SHC3: variants seen among roughly 807,000 people sequenced by gnomAD.
SHC3 encodes the protein SHC-transforming protein 3.
Under a neutral mutation model 60.4 loss-of-function variants are expected in SHC3, and 15 were observed. The observed-to-expected ratio is 0.25, with a 90% CI of 0.17 to 0.38. SHC3 has a LOEUF of 0.38. Among genes scored for constraint, SHC3 ranks in the 10% least tolerant of loss-of-function variants. SHC3 has a pLI of 1.00. For missense variants in SHC3, 677 were observed against 786.1 expected, an observed-to-expected ratio of 0.86 and a Z score of 1.66; for synonymous variants, 294 against 325.9, an observed-to-expected ratio of 0.90 and a Z score of 1.05.
chr9:89,072,571 A>G (rs1225702373), intron 4 of SHC3, among the ~76,000 whole-genome samples: 1 of 152,242 alleles, frequency 6.6e-6, no homozygotes, highest in Non-Finnish European at 1.5e-5. Context: ...AATTTCCATT[A>G]GCTTTATAAA....
chr9:89,099,544 T>A (rs1825753507), intron 2 of SHC3, among the ~76,000 whole-genome samples: 1 of 152,218 alleles, frequency 6.6e-6, no homozygotes. Context: ...CAAGCTTTAA[T>A]GCTTGACCTT....
At chr9:89,024,662 TG>T (rs1438668254) in intron 11 of SHC3, among the ~76,000 whole-genome samples, 1 of 152,220 alleles carries the variant, frequency 6.6e-6, no homozygotes, top group East Asian at 1.9e-4. Flanking sequence ...GTACAGTGCG[TG>T]GCATCAAGGA....
In SHC3 at chr9:89,038,175, C is replaced by G. The variant is rs552049063; in HGVS notation, c.1474G>C (p.Glu492Gln). 3 of 1,614,078 alleles carry G rather than the reference C, an allele frequency of 1.9e-6. No homozygotes were observed. In the East Asian group the frequency reaches 6.7e-5, roughly 36 times the overall value. ...SPRAPDAKML[E>Q]ELQAETWYQG... The stretch of plus-strand genomic sequence containing the variant: ...TACCAAGTCTCGGCTTGCAGTTCCT[C>G]CAGCATCTTGGCATCTGGGGCTCTA... The change falls in exon 11 of 12, where the codon GAG (glutamate) becomes CAG (glutamine). Residue 492 changes from glutamate (E) to glutamine (Q), a missense_variant. Glu to Gln is a conservative substitution (Grantham distance 29, BLOSUM62 2). Coordinates refer to ENST00000375835, the MANE Select transcript of SHC3 (RefSeq NM_016848.6).
chr9:89,108,387 G>A (rs895261003), intron 2 of SHC3, among the ~76,000 whole-genome samples: 1 of 152,014 alleles, frequency 6.6e-6, no homozygotes, highest in Admixed American at 6.6e-5. Context: ...TGGACATGGT[G>A]GCATGCACCT....
At chr9:89,023,400 A>G (rs1826236696) in intron 11 of SHC3, among the ~76,000 whole-genome samples, 1 of 152,252 alleles carries the variant, frequency 6.6e-6, no homozygotes, top group Non-Finnish European at 1.5e-5. Flanking sequence ...TTTAGGCCCA[A>G]GGATGCTTGG....
At chr9:89,059,321 TGTGGAGGATGGTGGTGGAGGACGGTG>T (rs1825023847) in intron 6 of SHC3, among the ~76,000 whole-genome samples, 1 of 26,448 alleles carries the variant, frequency 3.8e-5, no homozygotes, top group African/African-American at 2.7e-4. Context: ...TGGAGGACGT[TGTGGAGGATGGTGGTGGAGGACGGTG>T]GTGGAGGATG....
At chr9:89,075,461 A>G (rs17054713) in intron 3 of SHC3, among the ~76,000 whole-genome samples, 4,936 of 152,294 alleles carry the variant, frequency 0.032, 135 homozygotes, top group African/African-American at 0.071. Context: ...GCTGAGGTGA[A>G]AACTCTTGCA....
chr9:89,114,546 A>T (rs1474571252), intron 1 of SHC3, among the ~76,000 whole-genome samples: 1 of 152,166 alleles, frequency 6.6e-6, no homozygotes, highest in East Asian at 1.9e-4. Flanking sequence ...CAAAGTATAA[A>T]GGAGGCTGTG....
At chr9:89,014,940 T>G (rs1463861027) in intron 11 of SHC3, among the ~76,000 whole-genome samples, 1 of 152,140 alleles carries the variant, frequency 6.6e-6, no homozygotes, top group Non-Finnish European at 1.5e-5. Context: ...AATTAGAATG[T>G]TTTCCCCCTG....
chr9:89,117,929 C>A (rs1774679077), intron 1 of SHC3, among the ~76,000 whole-genome samples: 1 of 152,092 alleles, frequency 6.6e-6, no homozygotes, highest in African/African-American at 2.4e-5. Flanking sequence ...TATTCCTGAA[C>A]TGAGGTGCCA....
At chr9:89,152,425 C>T (rs1320241587) in intron 1 of SHC3, among the ~76,000 whole-genome samples, 2 of 152,180 alleles carry the variant, frequency 1.3e-5, no homozygotes, top group Non-Finnish European at 2.9e-5. Context: ...TTTCAAAATC[C>T]TTCAGAATTG....
At chr9:89,025,082 T>C (rs1826269840) in intron 11 of SHC3, among the ~76,000 whole-genome samples, 1 of 152,126 alleles carries the variant, frequency 6.6e-6, no homozygotes, top group African/African-American at 2.4e-5. Flanking sequence ...CGACACTCCA[T>C]CAATGACAAA....
chr9:89,053,981 C>T (rs758523756), intron 6 of SHC3, among the ~76,000 whole-genome samples: 10 of 152,182 alleles, frequency 6.6e-5, no homozygotes, highest in Admixed American at 3.3e-4. Context: ...ACTGGTTGGT[C>T]GGTGTTTTGG....
intron 2 of SHC3, among the ~76,000 whole-genome samples, chr9:89,092,830 C>G (rs1203735030): frequency 6.6e-6 from 1 of 151,678 alleles, no homozygotes; most frequent in Non-Finnish European, 1.5e-5. Flanking sequence ...TCTTTTCTTT[C>G]TATACCTTTA....
intron 2 of SHC3, among the ~76,000 whole-genome samples, chr9:89,088,421 C>T (rs1024520150): frequency 3.3e-5 from 5 of 152,184 alleles, no homozygotes; most frequent in African/African-American, 1.2e-4. Flanking sequence ...TGACCTTGAA[C>T]ACATATTCTC....
In SHC3 at chr9:89,131,452, C is replaced by A. The variant is rs1445874140; in HGVS notation, c.475-18826G>T. On this transcript the variant is annotated intron_variant, in intron 1 of 11. Coordinates refer to ENST00000375835, the MANE Select transcript of SHC3 (RefSeq NM_016848.6). ...ATACCAAAGCCTGGCAGAGACACAA[C>A]AAAGAAAGAGAATTTTAGACCAATA... Among the ~76,000 whole-genome samples, 3 of 152,044 alleles carry A rather than the reference C, an allele frequency of 2.0e-5. No individual in the cohort carries two copies. The East Asian group carries it at 5.8e-4, about 29-fold the overall frequency.
intron 11 of SHC3, among the ~76,000 whole-genome samples, chr9:89,014,591 T>C (rs1195165893): frequency 6.6e-6 from 1 of 152,152 alleles, no homozygotes; most frequent in African/African-American, 2.4e-5. Context: ...CAGATGAGTT[T>C]CCAGGAGCCC....
chr9:89,040,225 C>CCT (rs1824662029), intron 10 of SHC3, among the ~76,000 whole-genome samples: 1 of 2,118 alleles, frequency 4.7e-4, no homozygotes, highest in African/African-American at 2.1e-3. Flanking sequence ...ATCATCACCA[C>CCT]CACCATCACC....
At chr9:89,098,768 G>A (rs377383751) in intron 2 of SHC3, among the ~76,000 whole-genome samples, 18 of 151,782 alleles carry the variant, frequency 1.2e-4, no homozygotes, top group African/African-American at 3.4e-4. Context: ...CTGAGATTGC[G>A]CCACTGCACT....
Sources: allele counts gnomAD v4.1 joint callset (sites outside exome capture counted in the v4.1 genomes callset), GRCh38; gene constraint gnomAD v4.1.1; transcripts MANE v1.5; gene names NCBI Gene and HGNC (gene_info 2026-07-23, HGNC 2026-07-21).